RPL15: variants seen among roughly 807,000 people sequenced by gnomAD.
The protein encoded by RPL15 is large ribosomal subunit protein eL15.
For synonymous variants in RPL15, 97 were observed against 95.1 expected (o/e 1.02, Z -0.12); for missense variants, 161 against 271.8 (o/e 0.59, Z 2.87).
chr3:23,921,179 G>T (rs1705059129), downstream of RPL15, among the ~76,000 whole-genome samples: 1 of 152,146 alleles, frequency 6.6e-6, no homozygotes, highest in South Asian at 2.1e-4. Flanking sequence ...GAGAGAAAGG[G>T]TTCGGGCCAA....
Position 23,920,600 on chromosome 3 carries a change from T to A in RPL15, c.*1099T>A. 1.0e-6 allele frequency: 1 copy of A among 985,186 alleles called. No homozygotes were observed. The highest frequency in any genetic ancestry group is 4.7e-5 in the South Asian group (1 of 21,282). The allele number at this position is 985,186 out of a possible 1,614,324, so 61.0% of individuals were successfully genotyped here. On this transcript the variant is annotated 3_prime_UTR_variant, in exon 4 of 4. Transcript: ENST00000307839. ...TGTAAAGAAAATGTAGACAAGGAAT[T>A]GCCCAATTTTAAATTCTGACTTTGC...
chr3:23,924,602 G>A, downstream of RPL15, among the ~76,000 whole-genome samples: 1 of 152,056 alleles, frequency 6.6e-6, no homozygotes, highest in East Asian at 1.9e-4. Context: ...TTTGCACCAT[G>A]TTTGCCAGGC....
intron 1 of RPL15, 128 bp from the exon 2 acceptor site, chr3:23,917,722 C>A: frequency 1.1e-6 from 1 of 919,474 alleles, no homozygotes; most frequent in Non-Finnish European, 1.6e-6. Flanking sequence ...CTGTCCCCGG[C>A]AGTTGGTGCA....
At chr3:23,921,504 G>A (rs1575124414), downstream of RPL15, 1 of 668,510 alleles carries the variant, frequency 1.5e-6, no homozygotes, top group Non-Finnish European at 2.7e-6. Flanking sequence ...CGCCCCACAA[G>A]CTGTTCCCAT....
rs751925811 is a variant in RPL15 at position 23,920,036 on chromosome 3, T to C, written c.*535T>C. 7.1e-6 allele frequency: 7 copies of C among 986,186 alleles called. No individual in the cohort carries two copies. The South Asian group carries it at 2.3e-4, about 33-fold the overall frequency. The allele number at this position is 986,186 out of a possible 1,614,324, so 61.1% of individuals were successfully genotyped here. ...CTCCTGGTTCAGTGCCATGGCTTCATGGCATTCAGTGATTAGTGGTAATGG... is the reference window on the plus strand; with the variant it reads ...CTCCTGGTTCAGTGCCATGGCTTCACGGCATTCAGTGATTAGTGGTAATGG... On this transcript the variant is annotated 3_prime_UTR_variant, in exon 4 of 4. Coordinates refer to ENST00000307839, the MANE Select transcript of RPL15 (RefSeq NM_002948.5).
At chr3:23,921,231 T>A (rs1386241839), downstream of RPL15, among the ~76,000 whole-genome samples, 4 of 152,210 alleles carry the variant, frequency 2.6e-5, no homozygotes, top group African/African-American at 9.7e-5. Flanking sequence ...TTCCTGTCCT[T>A]GCTACCCAAC....
In RPL15 at chr3:23,920,218, T is replaced by G. The variant is rs537730308; in HGVS notation, c.*717T>G. The G allele has an allele frequency of 4.8e-5, 47 of 985,836 alleles. No individual in the cohort carries two copies. In the African/African-American group the frequency reaches 6.5e-4, roughly 14 times the overall value. 61.1% of individuals were successfully genotyped at this position (985,836 alleles called of 1,614,324 possible). A position where few individuals can be genotyped will look rare whatever the true frequency, so the allele number is the denominator to read the frequency against. On this transcript the variant is annotated 3_prime_UTR_variant, in exon 4 of 4. Transcript: ENST00000307839. ...GCTTAGACGTCAACCCTAAAATACTTAACCGTAATGCTAATTGTGATCATT... is the reference window on the plus strand; with the variant it reads ...GCTTAGACGTCAACCCTAAAATACTGAACCGTAATGCTAATTGTGATCATT...
At chr3:23,917,472 T>C in intron 1 of RPL15, 1 of 160,428 alleles carries the variant, frequency 6.2e-6, no homozygotes, top group Non-Finnish European at 1.4e-5. Flanking sequence ...GTGGGGTAGA[T>C]GCATTTTCCT....
chr3:23,918,130 G>C, intron 2 of RPL15, 99 bp downstream of exon 2: 3 of 1,427,886 alleles, frequency 2.1e-6, no homozygotes, highest in Non-Finnish European at 2.8e-6. Context: ...GTCTTTCTTC[G>C]CATAGGGCTT....
At chr3:23,916,621 G>C (rs557722152), upstream of RPL15, 1 of 152,444 alleles carries the variant, frequency 6.6e-6, no homozygotes, top group African/African-American at 2.4e-5. Flanking sequence ...CTCCGCGAAG[G>C]CCTCCCTGGG....
chr3:23,917,279 T>C (rs1704649392), intron 1 of RPL15, 106 bp downstream of exon 1: 1 of 152,536 alleles, frequency 6.6e-6, no homozygotes, highest in Non-Finnish European at 1.5e-5. Flanking sequence ...GTCTCCCTCC[T>C]GTGCGGCCAG....
At chr3:23,919,143 T>TG in intron 3 of RPL15, 53 bp from the exon 4 acceptor site, 1 of 1,244,302 alleles carries the variant, frequency 8.0e-7, no homozygotes, top group Non-Finnish European at 1.2e-6. Flanking sequence ...CTTTCTGACT[T>TG]GCTGCTATAG....
rs1379134662 is a variant in RPL15 at position 23,919,594 on chromosome 3, C to T, written c.*93C>T. 4.2e-6 allele frequency: 6 copies of T among 1,424,674 alleles called. No homozygotes were observed. The highest frequency in any genetic ancestry group is 3.7e-6 in the Non-Finnish European group (4 of 1,093,418). 88.3% of individuals were successfully genotyped at this position (1,424,674 alleles called of 1,614,324 possible). On this transcript the variant is annotated 3_prime_UTR_variant, in exon 4 of 4. Transcript: ENST00000307839. The stretch of plus-strand genomic sequence containing the variant: ...TTATTTGTCTGTTAAAACTAGTCTG[C>T]AGATGTTTCTTGAATGCTTTGTCAA...
rs1457519462 is a variant in RPL15, at chr3:23,918,719, A to C, written c.309+143A>C. On this transcript the variant is annotated intron_variant, in intron 3 of 3. Transcript: ENST00000307839. ...GTGATTTTTACTAATCTTGGTGAAG[A>C]GTAATTGCTTGAAAGACTTGTCTTT... 3 of 975,692 alleles carry C rather than the reference A, an allele frequency of 3.1e-6. No individual in the cohort carries two copies. In the African/African-American group the frequency reaches 4.9e-5, roughly 16 times the overall value. 60.4% of individuals were successfully genotyped at this position (975,692 alleles called of 1,614,324 possible). A position where few individuals can be genotyped will look rare whatever the true frequency, so the allele number is the denominator to read the frequency against.
upstream of RPL15, chr3:23,916,757 G>C (rs533051673): frequency 2.7e-4 from 41 of 150,672 alleles, no homozygotes; most frequent in African/African-American, 1.0e-3. Flanking sequence ...CTCCGCAGGG[G>C]GAGAGCCCGC....
chr3:23,919,928 G>A lies in RPL15; in HGVS notation c.*427G>A, dbSNP rs1704979146. 3.0e-6 allele frequency: 3 copies of A among 989,542 alleles called. 1 individual carries two copies. Among genetic ancestry groups the A allele is most frequent in the African/African-American group, 3.5e-5 (2 of 57,372 alleles). 61.3% of individuals were successfully genotyped at this position (989,542 alleles called of 1,614,324 possible). On this transcript the variant is annotated 3_prime_UTR_variant, in exon 4 of 4. Coordinates refer to ENST00000307839, the MANE Select transcript of RPL15 (RefSeq NM_002948.5). ...TTGGCAGGTGTAGACTTTTTAAGTTGGGCTTTAGAAAATCTGGGTTAGCCT... is the reference window on the plus strand; with the variant it reads ...TTGGCAGGTGTAGACTTTTTAAGTTAGGCTTTAGAAAATCTGGGTTAGCCT...
downstream of RPL15, chr3:23,921,457 C>G (rs551214398): frequency 1.6e-6 from 1 of 614,796 alleles, no homozygotes; most frequent in Non-Finnish European, 2.9e-6. Context: ...AAGCTTTACT[C>G]CAATATTAAG....
chr3:23,920,918 G>A lies in RPL15; in HGVS notation c.*1417G>A. The A allele has an allele frequency of 4.4e-6, 1 of 229,202 alleles. No homozygotes were observed. The highest frequency in any genetic ancestry group is 7.2e-6 in the Non-Finnish European group (1 of 138,474). 14.2% of individuals were successfully genotyped at this position (229,202 alleles called of 1,614,324 possible). A position where few individuals can be genotyped will look rare whatever the true frequency, so the allele number is the denominator to read the frequency against. The stretch of plus-strand genomic sequence containing the variant: ...TAAAGCAAACCAAATGCCCTAACCA[G>A]CAAAAAGGCATCAAAATGTGATTAT... On this transcript the variant is annotated 3_prime_UTR_variant, in exon 4 of 4. Transcript: ENST00000307839.
chr3:23,920,527 C>T lies in RPL15; in HGVS notation c.*1026C>T, dbSNP rs1410756618. 1.0e-6 allele frequency: 1 copy of T among 985,284 alleles called. No homozygotes were observed. Among genetic ancestry groups the T allele is most frequent in the African/African-American group, 1.7e-5 (1 of 57,352 alleles). 61.0% of individuals were successfully genotyped at this position (985,284 alleles called of 1,614,324 possible). A position where few individuals can be genotyped will look rare whatever the true frequency, so the allele number is the denominator to read the frequency against. Reference sequence around the variant, plus strand: ...CCACCACATTGCATTTCTGTTTGCACCATGTCTTCCAGGAGACTAGACTAC... The same window carrying T: ...CCACCACATTGCATTTCTGTTTGCATCATGTCTTCCAGGAGACTAGACTAC... On this transcript the variant is annotated 3_prime_UTR_variant, in exon 4 of 4. Coordinates refer to ENST00000307839, the MANE Select transcript of RPL15 (RefSeq NM_002948.5).
Sources: gnomAD v4.1 joint callset for allele counts (sites outside exome capture counted in the v4.1 genomes callset) on GRCh38, gnomAD v4.1.1 for gene constraint, MANE v1.5 for transcripts, NCBI Gene and HGNC (gene_info 2026-07-23, HGNC 2026-07-21) for gene names.